ADGRL3: variants seen among roughly 807,000 people sequenced by gnomAD.
ADGRL3 encodes calcium-independent alpha-latrotoxin receptor 3.
In ADGRL3, 62 loss-of-function variants were observed where a neutral mutation model predicts 153.5. The observed-to-expected ratio is 0.40, with a 90% CI of 0.33 to 0.50. The LOEUF (loss-of-function observed/expected upper bound fraction) is 0.50, where lower values mean the gene tolerates loss of function less well. ADGRL3 is among the 20% of genes least tolerant of loss of function. The probability of loss-of-function intolerance (pLI) is 0.47; values close to 1 mark genes in which losing one functional copy is unlikely to be tolerated. For synonymous variants in ADGRL3, 710 were observed against 672.5 expected (o/e 1.06, Z -0.86); for missense variants, 1,641 against 1,859.4 (o/e 0.88, Z 2.16).
intron 4 of ADGRL3, among the ~76,000 whole-genome samples, chr4:61,540,462 T>C (rs1411294134): frequency 6.6e-6 from 1 of 151,820 alleles, no homozygotes; most frequent in Admixed American, 6.6e-5. Flanking sequence ...GGTAGGAGAT[T>C]CACTTGAACC....
At chr4:61,958,588 A>T (rs902683719) in intron 17 of ADGRL3, among the ~76,000 whole-genome samples, 1 of 152,136 alleles carries the variant, frequency 6.6e-6, no homozygotes, top group Non-Finnish European at 1.5e-5. Flanking sequence ...TCATGGCAGA[A>T]GGTGAAGGGG....
At chr4:61,234,296 A>G (rs1304847526) in intron 1 of ADGRL3, among the ~76,000 whole-genome samples, 1 of 152,128 alleles carries the variant, frequency 6.6e-6, no homozygotes, top group Non-Finnish European at 1.5e-5. Context: ...ATAAAATGAG[A>G]AATAAGCAAA....
chr4:62,046,696 T>C (rs767931833), intron 25 of ADGRL3, among the ~76,000 whole-genome samples: 7 of 152,116 alleles, frequency 4.6e-5, no homozygotes, highest in Non-Finnish European at 7.4e-5. Flanking sequence ...CAGGTAGTGA[T>C]CATTTCATCA....
chr4:62,029,308 C>T (rs770297230), intron 22 of ADGRL3, among the ~76,000 whole-genome samples: 3 of 151,418 alleles, frequency 2.0e-5, no homozygotes, highest in Non-Finnish European at 4.4e-5. Flanking sequence ...TAAAACTACC[C>T]AATTGCAATT....
At position 61,676,998 on chromosome 4, in the gene ADGRL3, T is replaced by C. The variant is rs1283419947; in HGVS notation, c.583+63T>C. On this transcript the variant is annotated intron_variant, in intron 6 of 26. Coordinates refer to ENST00000683033, the MANE Select transcript of ADGRL3 (RefSeq NM_001387552.1). ...GATACTAAACTGTGTTTTGCATGCATTGACAAATATTCTCTATGAAAACAT... is the reference window on the plus strand; with the variant it reads ...GATACTAAACTGTGTTTTGCATGCACTGACAAATATTCTCTATGAAAACAT... The C allele has an allele frequency of 1.2e-5, 12 of 991,000 alleles. No homozygotes were observed. In the South Asian group the frequency reaches 1.6e-4, roughly 13 times the overall value. 61.4% of individuals were successfully genotyped at this position (991,000 alleles called of 1,614,324 possible).
intron 4 of ADGRL3, among the ~76,000 whole-genome samples, chr4:61,565,593 AG>A (rs1379621497): frequency 2.0e-5 from 3 of 151,786 alleles, no homozygotes; most frequent in Non-Finnish European, 4.4e-5. Flanking sequence ...ACTGAAGTGC[AG>A]TGGCATGATC....
chr4:61,729,690 G>A lies in ADGRL3; in HGVS notation c.584-932G>A, dbSNP rs1314984804. Among the ~76,000 whole-genome samples, 7 of 151,888 alleles carry A rather than the reference G, an allele frequency of 4.6e-5. No individual in the cohort carries two copies. In the East Asian group the frequency reaches 1.4e-3, roughly 29 times the overall value. On this transcript the variant is annotated intron_variant, in intron 6 of 26. Transcript: ENST00000683033. ...GTCCCTTTTTCCATGTTAGAATATA[G>A]CAAATTGTCTCTGTGAAACAAAATA...
intron 2 of ADGRL3, among the ~76,000 whole-genome samples, chr4:61,431,978 G>A (rs1261877581): frequency 6.6e-6 from 1 of 152,136 alleles, no homozygotes; most frequent in Non-Finnish European, 1.5e-5. Flanking sequence ...GTTCAGCAAA[G>A]AGTAAGTTGC....
chr4:61,259,926 C>G (rs1357819395), intron 1 of ADGRL3, among the ~76,000 whole-genome samples: 1 of 152,262 alleles, frequency 6.6e-6, no homozygotes, highest in African/African-American at 2.4e-5. Context: ...ATTTAGGAAG[C>G]ATTTGAATAA....
chr4:61,377,021 G>C (rs1422946754), intron 1 of ADGRL3, among the ~76,000 whole-genome samples: 1 of 152,106 alleles, frequency 6.6e-6, no homozygotes, highest in Non-Finnish European at 1.5e-5. Context: ...GGCAAGAACT[G>C]TATCTGTATC....
chr4:61,874,018 C>T (rs970631695), intron 9 of ADGRL3, among the ~76,000 whole-genome samples: 3 of 152,156 alleles, frequency 2.0e-5, no homozygotes, highest in East Asian at 1.9e-4. Context: ...ATTTTAAAAG[C>T]TTTTCCTATT....
At chr4:61,870,074 G>T (rs2098435159) in intron 9 of ADGRL3, among the ~76,000 whole-genome samples, 2 of 150,844 alleles carry the variant, frequency 1.3e-5, no homozygotes, top group African/African-American at 4.9e-5. Flanking sequence ...AATTCCTATT[G>T]TTGGGACTCA....
rs2097139775 is a variant in ADGRL3, at chr4:61,775,693, G to A, written c.1400-38116G>A. 4 of 1,452,224 alleles carry A rather than the reference G, an allele frequency of 2.8e-6. No individual in the cohort carries two copies. The South Asian group carries it at 4.5e-5, about 16-fold the overall frequency. 90.0% of individuals were successfully genotyped at this position (1,452,224 alleles called of 1,614,324 possible). A position where few individuals can be genotyped will look rare whatever the true frequency, so the allele number is the denominator to read the frequency against. ...CATCACAGGCTCATCACAGTTGGAT[G>A]CAAGCACACAAAGGTGGGCTTGGTG... On this transcript the variant is annotated intron_variant, in intron 8 of 26. Transcript: ENST00000683033.
chr4:61,695,833 TG>T (rs1343308800), intron 6 of ADGRL3, among the ~76,000 whole-genome samples: 2 of 152,202 alleles, frequency 1.3e-5, no homozygotes, highest in African/African-American at 4.8e-5. Flanking sequence ...CTGAATAACT[TG>T]CTGCAGCCTC....
At chr4:61,853,086 C>T (rs1187716609) in intron 9 of ADGRL3, among the ~76,000 whole-genome samples, 1 of 151,856 alleles carries the variant, frequency 6.6e-6, no homozygotes, top group Non-Finnish European at 1.5e-5. Context: ...GATGTGATCT[C>T]GGGTCGCTGC....
intron 1 of ADGRL3, among the ~76,000 whole-genome samples, chr4:61,372,212 A>G (rs2096541183): frequency 6.6e-6 from 1 of 152,076 alleles, no homozygotes; most frequent in Non-Finnish European, 1.5e-5. Context: ...GATCGTCTGA[A>G]GCCTTCTTCT....
Position 61,514,496 on chromosome 4 carries a change from G to C in ADGRL3, c.56-2819G>C, listed in dbSNP as rs550922745. On this transcript the variant is annotated intron_variant, in intron 3 of 26. Transcript: ENST00000683033. Reference sequence around the variant, plus strand: ...TTCCACAGAAGTCATACAATATCTTGAGTATAGTACACACATATTTTTTAA... The same window carrying C: ...TTCCACAGAAGTCATACAATATCTTCAGTATAGTACACACATATTTTTTAA... 4.6e-5 allele frequency among the ~76,000 whole-genome samples: 7 copies of C among 152,212 alleles called. No homozygotes were observed. The South Asian group carries it at 1.5e-3, about 32-fold the overall frequency.
At chr4:61,800,185 G>C in intron 8 of ADGRL3, among the ~76,000 whole-genome samples, 1 of 152,060 alleles carries the variant, frequency 6.6e-6, no homozygotes, top group Non-Finnish European at 1.5e-5. Context: ...CTGTAACAAT[G>C]AGCAAAGAAA....
intron 2 of ADGRL3, among the ~76,000 whole-genome samples, chr4:61,460,943 A>G (rs1176701305): frequency 6.6e-6 from 1 of 151,986 alleles, no homozygotes; most frequent in Non-Finnish European, 1.5e-5. Context: ...GGTGGCAGGC[A>G]CCTGTAATCC....
Sources: gnomAD v4.1 joint callset for allele counts (sites outside exome capture counted in the v4.1 genomes callset) on GRCh38, gnomAD v4.1.1 for gene constraint, MANE v1.5 for transcripts, NCBI Gene and HGNC (gene_info 2026-07-23, HGNC 2026-07-21) for gene names.